VWA3B: variants seen among roughly 807,000 people sequenced by gnomAD.
The protein encoded by VWA3B is von Willebrand factor A domain-containing protein 3B.
In VWA3B, 138 loss-of-function variants were observed where a neutral mutation model predicts 158.3. The observed-to-expected ratio is 0.87, with a 90% CI of 0.76 to 1.00. The LOEUF is 1.00. Among genes scored for constraint, VWA3B ranks in the 50% least tolerant of loss-of-function variants. VWA3B has a pLI of 0.00. For missense variants in VWA3B, 1,555 were observed against 1,565.1 expected, an observed-to-expected ratio of 0.99 and a Z score of 0.11; for synonymous variants, 596 against 587.3, an observed-to-expected ratio of 1.01 and a Z score of -0.21.
chr2:98,181,002 C>A lies in VWA3B; in HGVS notation c.1115-14C>A, dbSNP rs1489470694. 2 of 1,612,802 alleles carry A rather than the reference C, an allele frequency of 1.2e-6. No individual in the cohort carries two copies. The highest frequency in any genetic ancestry group is 1.7e-6 in the Non-Finnish European group (2 of 1,179,070). On this transcript the variant is annotated splice_polypyrimidine_tract_variant and intron_variant, in intron 8 of 27. Transcript: ENST00000477737. ...TCATGCAGTATGAATGGCTGACAAG[C>A]TGTGATTCTACAGAGTCAGAAACAA...
At position 98,135,325 on chromosome 2, in the gene VWA3B, C is replaced by CTTT. The variant is rs397873615; in HGVS notation, c.988+1412_988+1414dup. ...GCAAATTACATACAAAAACATTTTT[C>CTTT]TTTTTTTTTTTTTTTTTTTTTTTTT... On this transcript the variant is annotated intron_variant, in intron 7 of 27. Transcript: ENST00000477737. Among the ~76,000 whole-genome samples, 25 of 96,390 alleles carry CTTT rather than the reference C, an allele frequency of 2.6e-4. 1 individual carries two copies. Among genetic ancestry groups the CTTT allele is most frequent in the South Asian group, 3.8e-4 (1 of 2,642 alleles). 63.2% of individuals were successfully genotyped at this position (96,390 alleles called of 152,430 possible).
intron 8 of VWA3B, among the ~76,000 whole-genome samples, chr2:98,165,810 T>C (rs1183192516): frequency 6.6e-6 from 1 of 152,038 alleles, no homozygotes; most frequent in Non-Finnish European, 1.5e-5. Context: ...GCTGCTCACA[T>C]GTAGTGACAC....
intron 7 of VWA3B, among the ~76,000 whole-genome samples, chr2:98,157,808 G>C (rs1413087981): frequency 1.5e-5 from 2 of 135,308 alleles, no homozygotes; most frequent in Admixed American, 7.7e-5. Flanking sequence ...CAGTAGGACC[G>C]AGGGGATGGT....
intron 2 of VWA3B, 36 bp from the exon 3 acceptor site, chr2:98,115,616 C>T (rs778013326): frequency 6.5e-7 from 1 of 1,528,912 alleles, no homozygotes; most frequent in Admixed American, 1.7e-5. Flanking sequence ...CACTCATGTA[C>T]TACTGTTTTG....
chr2:98,244,459 CAT>C (rs1686266626), intron 19 of VWA3B, among the ~76,000 whole-genome samples: 1 of 152,058 alleles, frequency 6.6e-6, no homozygotes, highest in African/African-American at 2.4e-5. Context: ...TCACATTATT[CAT>C]ATGTTTAGGA....
chr2:98,106,758 C>T (rs1436558923), intron 2 of VWA3B, among the ~76,000 whole-genome samples: 2 of 152,186 alleles, frequency 1.3e-5, no homozygotes, highest in Admixed American at 6.5e-5. Context: ...TCTTGCCAAA[C>T]TCACTTATTC....
At chr2:98,169,030 C>T (rs896136124) in intron 8 of VWA3B, among the ~76,000 whole-genome samples, 3 of 151,968 alleles carry the variant, frequency 2.0e-5, no homozygotes, top group Non-Finnish European at 2.9e-5. Context: ...AAAACTACAC[C>T]CAGAGACATT....
chr2:98,247,133 G>T (rs1000208331), intron 19 of VWA3B, among the ~76,000 whole-genome samples: 1 of 151,828 alleles, frequency 6.6e-6, no homozygotes, highest in Non-Finnish European at 1.5e-5. Context: ...GAGTAGCTTG[G>T]ATTACAGGCA....
Position 98,125,824 on chromosome 2 carries a change from C to T in VWA3B, c.703-2415C>T, listed in dbSNP as rs574116166. Among the ~76,000 whole-genome samples, 3 of 152,254 alleles carry T rather than the reference C, an allele frequency of 2.0e-5. No homozygotes were observed. The highest frequency in any genetic ancestry group is 6.5e-5 in the Admixed American group (1 of 15,288). On this transcript the variant is annotated intron_variant, in intron 5 of 27. Transcript: ENST00000477737. This position sits in a 1 kb window ranked among gnomAD's most constrained non-coding sequence, Gnocchi z 4.1. ...GACTACAGGCGCCTGCCACCACATC[C>T]GGCTAATTTTTCTGTATTTTTAGTA...
At position 98,256,170 on chromosome 2, in the gene VWA3B, G is replaced by A. The variant is rs542363410; in HGVS notation, c.2839G>A (p.Glu947Lys). ...VWRALSQEEK[E>K]KLDANKPIQY... ...GCGAGCATTATCTCAAGAGGAAAAAGAAAAGTAAGCCATTCCATTCCCTCC... is the reference window on the plus strand; with the variant it reads ...GCGAGCATTATCTCAAGAGGAAAAAAAAAAGTAAGCCATTCCATTCCCTCC... Residue 947 changes from glutamate to lysine, a missense_variant, in exon 21 of 28, where the codon GAA (glutamate) becomes AAA (lysine). Transcript: ENST00000477737. 1.8e-5 allele frequency: 29 copies of A among 1,607,916 alleles called. No homozygotes were observed. Among genetic ancestry groups the A allele is most frequent in the Middle Eastern group, 3.4e-4 (2 of 5,856 alleles).
At chr2:98,302,225 C>T (rs960274219) in intron 25 of VWA3B, among the ~76,000 whole-genome samples, 3 of 152,136 alleles carry the variant, frequency 2.0e-5, no homozygotes, top group Admixed American at 1.3e-4. Flanking sequence ...CCCAAACTCC[C>T]GTCACCCTAA....
intron 22 of VWA3B, among the ~76,000 whole-genome samples, 174 bp from the exon 23 acceptor site, chr2:98,290,337 A>T (rs1422935165): frequency 1.3e-5 from 2 of 152,134 alleles, no homozygotes; most frequent in African/African-American, 2.4e-5. Context: ...AACCACCCCC[A>T]TGATCCAGCC....
the VWA3B span, among the ~76,000 whole-genome samples, chr2:98,319,876 T>TCACACACACACACA: frequency 1.0e-4 from 15 of 147,436 alleles, no homozygotes; most frequent in African/African-American, 3.5e-4. Context: ...TGAGACTCCA[T>TCACACACACACACA]CACACACACA....
Position 98,218,041 on chromosome 2 carries a change from T to C in VWA3B, c.2019+13T>C, listed in dbSNP as rs1376438272. On this transcript the variant is annotated intron_variant, in intron 14 of 27. Coordinates refer to ENST00000477737, the MANE Select transcript of VWA3B (RefSeq NM_144992.5). ...AGAGGCTGTTCAGGTAAGAGCTTGG[T>C]GGGCTAAGAAGGGAGTGTTCATTTG... 2 of 1,595,752 alleles carry C rather than the reference T, an allele frequency of 1.3e-6. No homozygotes were observed. Among genetic ancestry groups the C allele is most frequent in the Non-Finnish European group, 1.7e-6 (2 of 1,173,178 alleles).
intron 8 of VWA3B, among the ~76,000 whole-genome samples, chr2:98,176,208 C>G (rs1446605701): frequency 2.0e-5 from 3 of 152,060 alleles, no homozygotes; most frequent in Non-Finnish European, 4.4e-5. Flanking sequence ...CCCTCCTTTC[C>G]CAGCTGTCCT....
At chr2:98,258,804 A>T (rs1035230295) in intron 21 of VWA3B, among the ~76,000 whole-genome samples, 1 of 151,744 alleles carries the variant, frequency 6.6e-6, no homozygotes, top group Non-Finnish European at 1.5e-5. Flanking sequence ...CTTTCTTTCT[A>T]ATTTGGATGC....
chr2:98,162,849 AG>A lies in VWA3B; in HGVS notation c.989del, dbSNP rs747604518. On this transcript the variant is annotated splice_acceptor_variant, in intron 7 of 27. Coordinates refer to ENST00000477737, the MANE Select transcript of VWA3B (RefSeq NM_144992.5). LOFTEE classifies it high-confidence loss of function. ...CCGCTCATGCTGTGTCTCCCCTTTTAGGAGCTGGAGTCAGAGAGGACGTGTT... is the reference window on the plus strand; with the variant it reads ...CCGCTCATGCTGTGTCTCCCCTTTTAGAGCTGGAGTCAGAGAGGACGTGTT... 3 of 1,613,264 alleles carry A rather than the reference AG, an allele frequency of 1.9e-6. No homozygotes were observed. In the African/African-American group the frequency reaches 4.0e-5, roughly 22 times the overall value.
At chr2:98,199,668 T>G (rs1340319068) in intron 12 of VWA3B, among the ~76,000 whole-genome samples, 1 of 152,216 alleles carries the variant, frequency 6.6e-6, no homozygotes, top group Non-Finnish European at 1.5e-5. Flanking sequence ...ATCTTTATAT[T>G]GGACAATAAG....
At chr2:98,214,278 GT>G (rs947062298) in intron 13 of VWA3B, among the ~76,000 whole-genome samples, 2 of 151,614 alleles carry the variant, frequency 1.3e-5, no homozygotes, top group African/African-American at 2.4e-5. Context: ...AATTTTGTGG[GT>G]TTTTTTCCCA....
Sources: gnomAD v4.1 joint callset for allele counts (sites outside exome capture counted in the v4.1 genomes callset) on GRCh38, gnomAD v4.1.1 for gene constraint, Gnocchi (gnomAD v3.1) non-coding constraint, MANE v1.5 for transcripts, NCBI Gene and HGNC (gene_info 2026-07-23, HGNC 2026-07-21) for gene names.